SPHKAP: variants seen among roughly 807,000 people sequenced by gnomAD.
SPHKAP encodes SPHK1 interactor, AKAP domain containing.
Under a neutral mutation model 137.5 loss-of-function variants are expected in SPHKAP, and 67 were observed. The ratio of observed to expected loss-of-function variants is 0.49; its 90% CI spans 0.40 to 0.60. The LOEUF (loss-of-function observed/expected upper bound fraction) is 0.60, where lower values mean the gene tolerates loss of function less well. Ranked by LOEUF, SPHKAP falls within the 20% of genes least tolerant of loss-of-function variation. The probability of loss-of-function intolerance (pLI) is 0.00; values close to 1 mark genes in which losing one functional copy is unlikely to be tolerated. For missense variants in SPHKAP, 2,097 were observed against 2,069.3 expected (o/e 1.01, Z -0.26); for synonymous variants, 813 against 785.3 (o/e 1.04, Z -0.59).
chr2:228,118,945 A>G (rs1039122590), intron 2 of SPHKAP, among the ~76,000 whole-genome samples: 2 of 152,212 alleles, frequency 1.3e-5, no homozygotes, highest in Non-Finnish European at 2.9e-5. Flanking sequence ...AATTATAAAT[A>G]AGCATATATG....
At chr2:228,062,499 G>A (rs1055413543) in intron 3 of SPHKAP, among the ~76,000 whole-genome samples, 1 of 151,832 alleles carries the variant, frequency 6.6e-6, no homozygotes, top group Non-Finnish European at 1.5e-5. Context: ...ATCACATCTT[G>A]CACACTGAAG....
intron 1 of SPHKAP, among the ~76,000 whole-genome samples, chr2:228,173,292 C>T (rs560073226): frequency 2.0e-5 from 3 of 152,150 alleles, no homozygotes; most frequent in Non-Finnish European, 4.4e-5. Flanking sequence ...CAATTAATGC[C>T]TATGGTAGAC....
chr2:228,007,797 A>T (rs756481305), intron 7 of SPHKAP, among the ~76,000 whole-genome samples: 6 of 152,206 alleles, frequency 3.9e-5, no homozygotes, highest in Non-Finnish European at 8.8e-5. Context: ...GGTGCCAAAA[A>T]CACATAATGA....
intron 2 of SPHKAP, among the ~76,000 whole-genome samples, chr2:228,122,996 GTCCTCCTGA>G (rs1270919070): frequency 6.6e-6 from 1 of 152,092 alleles, no homozygotes; most frequent in Non-Finnish European, 1.5e-5. Context: ...CGGCCAAAGA[GTCCTCCTGA>G]TCTTGACTGC....
At chr2:228,160,948 A>T (rs532269588) in intron 1 of SPHKAP, among the ~76,000 whole-genome samples, 1 of 152,326 alleles carries the variant, frequency 6.6e-6, no homozygotes, top group African/African-American at 2.4e-5. Context: ...CAGATCTGAC[A>T]TTGTGTCAAA....
chr2:228,058,580 G>A (rs926902020), intron 3 of SPHKAP, among the ~76,000 whole-genome samples: 5 of 152,028 alleles, frequency 3.3e-5, no homozygotes, highest in Admixed American at 6.6e-5. Context: ...CCTGTGCCCC[G>A]CTCCCCGTTC....
intron 2 of SPHKAP, among the ~76,000 whole-genome samples, chr2:228,126,552 AGATAATTCC>A (rs1281218060): frequency 6.6e-6 from 1 of 152,204 alleles, no homozygotes; most frequent in African/African-American, 2.4e-5. Context: ...GGGAGAGAAA[AGATAATTCC>A]GAAGCCAGAG....
At chr2:228,177,364 A>G (rs999065420) in intron 1 of SPHKAP, among the ~76,000 whole-genome samples, 1 of 152,146 alleles carries the variant, frequency 6.6e-6, no homozygotes, top group African/African-American at 2.4e-5. Context: ...TACCCTGAGA[A>G]GAGAGTGAGA....
At chr2:228,137,496 A>G (rs1302918392) in intron 1 of SPHKAP, among the ~76,000 whole-genome samples, 1 of 152,214 alleles carries the variant, frequency 6.6e-6, no homozygotes, top group Non-Finnish European at 1.5e-5. Context: ...TAAAATGTCA[A>G]GTAAACACAG....
chr2:228,067,915 C>A (rs955822685), intron 3 of SPHKAP, among the ~76,000 whole-genome samples: 1 of 152,022 alleles, frequency 6.6e-6, no homozygotes, highest in Non-Finnish European at 1.5e-5. Flanking sequence ...TCAAGGGTAT[C>A]CAAACTGGAA....
At chr2:228,060,681 T>A (rs1005619268) in intron 3 of SPHKAP, among the ~76,000 whole-genome samples, 2 of 152,164 alleles carry the variant, frequency 1.3e-5, no homozygotes, top group African/African-American at 4.8e-5. Context: ...TCAATGATGT[T>A]TGATGAGGAA....
intron 3 of SPHKAP, among the ~76,000 whole-genome samples, chr2:228,092,801 T>G (rs1221734188): frequency 6.6e-6 from 1 of 151,696 alleles, no homozygotes; most frequent in Non-Finnish European, 1.5e-5. Flanking sequence ...GTGAAGTAAC[T>G]TAGAAATGGA....
At position 228,001,497 on chromosome 2, in the gene SPHKAP, GTATA is replaced by G. The variant is rs1393756916; in HGVS notation, c.4449-5807_4449-5804del. 7.2e-5 allele frequency among the ~76,000 whole-genome samples: 10 copies of G among 138,294 alleles called. No individual in the cohort carries two copies. In the East Asian group the frequency reaches 1.6e-3, roughly 23 times the overall value. The allele number at this position is 138,294 out of a possible 152,430, so 90.7% of individuals were successfully genotyped here. Reference sequence around the variant, plus strand: ...TAAAAATATATATACGTATATATAAGTATATATACGTATATATAAGAATATATAT... The same window carrying G: ...TAAAAATATATATACGTATATATAAGTATACGTATATATAAGAATATATAT... On this transcript the variant is annotated intron_variant, in intron 7 of 11. Transcript: ENST00000392056.
chr2:228,095,496 G>A (rs1697952277), intron 3 of SPHKAP, among the ~76,000 whole-genome samples: 1 of 152,166 alleles, frequency 6.6e-6, no homozygotes, highest in African/African-American at 2.4e-5. Flanking sequence ...ATTTTCAGAA[G>A]CTGTGTGGGG....
In SPHKAP at chr2:228,018,982, A is replaced by C; in HGVS notation, c.1872T>G (p.Ala624=). 6.2e-7 allele frequency: 1 copy of C among 1,614,096 alleles called. No individual in the cohort carries two copies. The highest frequency in any genetic ancestry group is 8.5e-7 in the Non-Finnish European group (1 of 1,179,968). ...AGGTATTAGGCCTTGTTAAAACCAG[A>C]GCAGCCTCCTTGAGCAATCCCTTGG... ...AIAKGLLKEA[A]LVLTRPNTYS... Residue 624 remains alanine (A), a synonymous_variant, in exon 7 of 12, where the codon GCT becomes GCG. Transcript: ENST00000392056.
At chr2:228,060,516 C>T (rs900235214) in intron 3 of SPHKAP, among the ~76,000 whole-genome samples, 4 of 152,146 alleles carry the variant, frequency 2.6e-5, no homozygotes, top group Non-Finnish European at 5.9e-5. Flanking sequence ...AACCTAGTCT[C>T]AAATGGTTAC....
At chr2:228,064,274 C>T (rs1477897694) in intron 3 of SPHKAP, among the ~76,000 whole-genome samples, 2 of 152,118 alleles carry the variant, frequency 1.3e-5, no homozygotes, top group Admixed American at 1.3e-4. Context: ...AACATCACAA[C>T]CAGGCAGAAG....
chr2:228,147,015 G>C (rs1316152321), intron 1 of SPHKAP, among the ~76,000 whole-genome samples: 1 of 152,140 alleles, frequency 6.6e-6, no homozygotes, highest in Non-Finnish European at 1.5e-5. Flanking sequence ...AAGGAAGGGG[G>C]ATTTTCCAAT....
chr2:228,010,134 G>T lies in SPHKAP; in HGVS notation c.4448+6272C>A, dbSNP rs533334105. Reference sequence around the variant, plus strand: ...AAGGCAATCCAGATACAAAGTGAGGGCAATTATAGGGCTAATCACGTTTGT... The same window carrying T: ...AAGGCAATCCAGATACAAAGTGAGGTCAATTATAGGGCTAATCACGTTTGT... On this transcript the variant is annotated intron_variant, in intron 7 of 11. Coordinates refer to ENST00000392056, the MANE Select transcript of SPHKAP (RefSeq NM_001142644.2). Among the ~76,000 whole-genome samples the T allele has an allele frequency of 5.3e-5, 8 of 152,232 alleles. 1 individual carries two copies. In the South Asian group the frequency reaches 1.7e-3, roughly 32 times the overall value.
Sources: allele counts gnomAD v4.1 joint callset (sites outside exome capture counted in the v4.1 genomes callset), GRCh38; gene constraint gnomAD v4.1.1; transcripts MANE v1.5; gene names NCBI Gene and HGNC (gene_info 2026-07-23, HGNC 2026-07-21).